Variants in CDH13 observed in about 807,000 individuals in gnomAD.
CDH13 encodes the protein cadherin 13.
A neutral mutation model predicts 63.8 loss-of-function variants in CDH13; 24 were observed. The ratio of observed to expected loss-of-function variants is 0.38; its 90% CI spans 0.27 to 0.53. CDH13 has a LOEUF of 0.53. Among genes scored for constraint, CDH13 ranks in the 20% least tolerant of loss-of-function variants. CDH13 has a pLI of 0.85. For synonymous variants in CDH13, 503 were observed against 355.3 expected, an observed-to-expected ratio of 1.42 and a Z score of -4.67; for missense variants, 1,049 against 903.1, an observed-to-expected ratio of 1.16 and a Z score of -2.07.
chr16:83,325,685 C>T (rs1010822276), intron 5 of CDH13, among the ~76,000 whole-genome samples: 23 of 152,152 alleles, frequency 1.5e-4, no homozygotes, highest in African/African-American at 5.6e-4. Flanking sequence ...GATACCTTCA[C>T]GCTCTCTGTT....
chr16:82,806,588 T>C (rs938265758), intron 1 of CDH13, among the ~76,000 whole-genome samples: 1 of 152,162 alleles, frequency 6.6e-6, no homozygotes, highest in South Asian at 2.1e-4. Context: ...TAAGGAAAGG[T>C]CTTATTTAAT....
intron 5 of CDH13, among the ~76,000 whole-genome samples, chr16:83,332,885 G>T (rs983757898): frequency 6.6e-6 from 1 of 151,958 alleles, no homozygotes; most frequent in Non-Finnish European, 1.5e-5. Flanking sequence ...ATACACATAA[G>T]AAAAAATGTT....
At chr16:82,912,022 C>T (rs1320969270) in intron 2 of CDH13, among the ~76,000 whole-genome samples, 2 of 152,012 alleles carry the variant, frequency 1.3e-5, no homozygotes, top group African/African-American at 4.8e-5. Context: ...CCGTGTGCAG[C>T]CCTCAGAGCC....
At chr16:83,278,336 C>G (rs951387674) in intron 5 of CDH13, among the ~76,000 whole-genome samples, 1 of 152,152 alleles carries the variant, frequency 6.6e-6, no homozygotes, top group Non-Finnish European at 1.5e-5. Flanking sequence ...ACCATGGGCT[C>G]CTTAAACCAA....
At chr16:83,328,145 G>A (rs371750321) in intron 5 of CDH13, among the ~76,000 whole-genome samples, 1 of 149,962 alleles carries the variant, frequency 6.7e-6, no homozygotes, top group Non-Finnish European at 1.5e-5. Flanking sequence ...AAAAGAAAAA[G>A]AAAAAAAATT....
At chr16:82,702,771 T>A (rs1387760572) in intron 1 of CDH13, among the ~76,000 whole-genome samples, 1 of 152,220 alleles carries the variant, frequency 6.6e-6, no homozygotes, top group Non-Finnish European at 1.5e-5. Flanking sequence ...CCATTGCATG[T>A]ATGATTTCCT....
chr16:82,757,136 T>C (rs992402527), intron 1 of CDH13, among the ~76,000 whole-genome samples: 2 of 152,194 alleles, frequency 1.3e-5, no homozygotes, highest in South Asian at 4.1e-4. Context: ...TCACAGTACC[T>C]CCATGCTGTA....
intron 3 of CDH13, among the ~76,000 whole-genome samples, chr16:83,073,765 C>G (rs1174781938): frequency 1.3e-5 from 2 of 151,840 alleles, no homozygotes; most frequent in Non-Finnish European, 2.9e-5. Context: ...GATATATGTG[C>G]TATACTATAG....
chr16:82,775,736 T>C (rs1006246723), intron 1 of CDH13, among the ~76,000 whole-genome samples: 1 of 152,094 alleles, frequency 6.6e-6, no homozygotes, highest in East Asian at 1.9e-4. Flanking sequence ...CTGAGATCAG[T>C]TGGGTAAAGC....
chr16:83,630,104 C>A (rs893874495), intron 8 of CDH13, among the ~76,000 whole-genome samples: 1 of 152,140 alleles, frequency 6.6e-6, no homozygotes, highest in Admixed American at 6.5e-5. Context: ...TGAAAACCCA[C>A]GTGTTGATCT....
At chr16:83,395,153 A>AC (rs2091862968) in intron 6 of CDH13, among the ~76,000 whole-genome samples, 1 of 150,998 alleles carries the variant, frequency 6.6e-6, no homozygotes, top group Admixed American at 6.6e-5. Context: ...ATCTCAAAAA[A>AC]AAAAAAAAAA....
rs1237265850 is a variant in CDH13 at position 83,105,073 on chromosome 16, G to A, written c.367-20312G>A. On this transcript the variant is annotated intron_variant, in intron 3 of 13. Coordinates refer to ENST00000567109, the MANE Select transcript of CDH13 (RefSeq NM_001257.5). ...GTGCAGGTTTGTTACATAGGTAAAC[G>A]TGTGCCATGGCGGTTTGCTGCACCC... Among the ~76,000 whole-genome samples, 4 of 152,020 alleles carry A rather than the reference G, an allele frequency of 2.6e-5. No individual in the cohort carries two copies. In the South Asian group the frequency reaches 6.2e-4, roughly 24 times the overall value.
chr16:83,521,659 G>T (rs1219560867), intron 7 of CDH13, among the ~76,000 whole-genome samples: 1 of 152,184 alleles, frequency 6.6e-6, no homozygotes, highest in African/African-American at 2.4e-5. Flanking sequence ...AATCTAAATT[G>T]TATATGTAGA....
At chr16:83,253,932 T>C (rs1211574281) in intron 5 of CDH13, among the ~76,000 whole-genome samples, 1 of 152,146 alleles carries the variant, frequency 6.6e-6, no homozygotes, top group African/African-American at 2.4e-5. Flanking sequence ...TAATGGGATT[T>C]AATGTTCCCA....
chr16:83,230,467 A>C (rs952230528), intron 5 of CDH13, among the ~76,000 whole-genome samples: 1 of 152,074 alleles, frequency 6.6e-6, no homozygotes, highest in African/African-American at 2.4e-5. Flanking sequence ...TTGACTCCCT[A>C]TTCCCAAATC....
At chr16:83,057,146 T>C (rs1163574454) in intron 3 of CDH13, among the ~76,000 whole-genome samples, 1 of 152,090 alleles carries the variant, frequency 6.6e-6, no homozygotes, top group Non-Finnish European at 1.5e-5. Flanking sequence ...TTTATATTTT[T>C]AGGAGAAATG....
chr16:82,911,597 G>A (rs1452662931), intron 2 of CDH13, among the ~76,000 whole-genome samples: 1 of 152,100 alleles, frequency 6.6e-6, no homozygotes, highest in African/African-American at 2.4e-5. Flanking sequence ...TAATTGTCAG[G>A]ATTAAAAGAG....
At chr16:83,209,774 G>A (rs542381375) in intron 4 of CDH13, among the ~76,000 whole-genome samples, 2 of 152,234 alleles carry the variant, frequency 1.3e-5, no homozygotes, top group South Asian at 4.2e-4. Context: ...CAGGCGAGGA[G>A]GGCTAGAGCT....
chr16:83,543,052 G>T, intron 7 of CDH13, among the ~76,000 whole-genome samples: 1 of 152,222 alleles, frequency 6.6e-6, no homozygotes, highest in East Asian at 1.9e-4. Context: ...CTGCAAAAGT[G>T]CAAAGACAAC....
Sources: gnomAD v4.1 joint callset for allele counts (sites outside exome capture counted in the v4.1 genomes callset) on GRCh38, gnomAD v4.1.1 for gene constraint, MANE v1.5 for transcripts, NCBI Gene and HGNC (gene_info 2026-07-23, HGNC 2026-07-21) for gene names.